UBE2Z: variants seen among roughly 807,000 people sequenced by gnomAD.
The protein encoded by UBE2Z is ubiquitin conjugating enzyme E2 Z.
Under a neutral mutation model 32.6 loss-of-function variants are expected in UBE2Z, and 10 were observed. The ratio of observed to expected loss-of-function variants is 0.31; its 90% confidence interval spans 0.19 to 0.52. UBE2Z has a LOEUF of 0.52. UBE2Z is among the 20% of genes least tolerant of loss of function. The pLI, the probability that UBE2Z is intolerant of heterozygous loss-of-function variation, is 0.97. For missense variants in UBE2Z, 343 were observed against 480.9 expected, an observed-to-expected ratio of 0.71 and a Z score of 2.68; for synonymous variants, 183 against 190.8, an observed-to-expected ratio of 0.96 and a Z score of 0.34.
At chr17:48,913,882 T>A (rs1054727675) in intron 3 of UBE2Z, among the ~76,000 whole-genome samples, 1 of 151,702 alleles carries the variant, frequency 6.6e-6, no homozygotes, top group East Asian at 1.9e-4. Flanking sequence ...ATTTTTGTTT[T>A]GTTTTGTTTG....
intron 4 of UBE2Z, among the ~76,000 whole-genome samples, chr17:48,918,849 C>T (rs1418202150): frequency 6.7e-6 from 1 of 149,878 alleles, no homozygotes; most frequent in Non-Finnish European, 1.5e-5. Context: ...CAGGTTCAAG[C>T]GATTCTAGTA....
chr17:48,925,181 A>G (rs35929648), intron 6 of UBE2Z, among the ~76,000 whole-genome samples: 87,842 of 151,392 alleles, frequency 0.58, 27,586 homozygotes, highest in East Asian at 0.8. Context: ...TACTTAGGAG[A>G]CTGAGGCACA....
intron 6 of UBE2Z, among the ~76,000 whole-genome samples, chr17:48,924,246 T>C (rs181006860): frequency 3.3e-5 from 5 of 152,316 alleles, no homozygotes; most frequent in African/African-American, 1.2e-4. Flanking sequence ...AGGCTGAGAT[T>C]ATTACAGGTG....
At chr17:48,919,615 G>C (rs926022717) in intron 4 of UBE2Z, among the ~76,000 whole-genome samples, 1 of 151,910 alleles carries the variant, frequency 6.6e-6, no homozygotes, top group East Asian at 1.9e-4. Context: ...TAGCTGGGAC[G>C]ACAGGTGCAC....
intron 5 of UBE2Z, among the ~76,000 whole-genome samples, chr17:48,922,562 A>G (rs1598076569): frequency 6.6e-6 from 1 of 152,042 alleles, no homozygotes; most frequent in East Asian, 1.9e-4. Context: ...TGAGGTCAGG[A>G]GTTCCTGACC....
chr17:48,919,679 T>C (rs1050951901), intron 4 of UBE2Z, among the ~76,000 whole-genome samples: 2 of 152,206 alleles, frequency 1.3e-5, no homozygotes, highest in Admixed American at 1.3e-4. Context: ...GATCTCACCA[T>C]GTTGCCAATG....
In UBE2Z at chr17:48,927,636, C is replaced by CT. The variant is rs1223226433; in HGVS notation, c.*503dup. The CT allele has an allele frequency of 1.3e-5, 2 of 159,444 alleles. No individual in the cohort carries two copies. Among genetic ancestry groups the CT allele is most frequent in the African/African-American group, 4.8e-5 (2 of 41,542 alleles). The allele number at this position is 159,444 out of a possible 1,614,324, so 9.9% of individuals were successfully genotyped here. A position where few individuals can be genotyped will look rare whatever the true frequency, so the allele number is the denominator to read the frequency against. On this transcript the variant is annotated 3_prime_UTR_variant, in exon 7 of 7. Coordinates refer to ENST00000360943, the MANE Select transcript of UBE2Z (RefSeq NM_023079.5). ...GGGCTTCCCAATGCCCTTTTCCTCC[C>CT]TGCCTTCCTTCCCCCATTATTTCCC... is the stretch of plus-strand genomic sequence containing the variant.
In UBE2Z at chr17:48,927,901, TG is replaced by T. The variant is rs1383123955; in HGVS notation, c.*768del. ...TGGCACCGTAAGAAGCTGAAAATAC[TG>T]TTTGTTCCCGCAATCACTGATTTGA... On this transcript the variant is annotated 3_prime_UTR_variant, in exon 7 of 7. Transcript: ENST00000360943. The T allele has an allele frequency of 1.3e-5, 2 of 152,522 alleles. No individual in the cohort carries two copies. Among genetic ancestry groups the T allele is most frequent in the South Asian group, 4.1e-4 (2 of 4,830 alleles). 9.4% of individuals were successfully genotyped at this position (152,522 alleles called of 1,614,324 possible).
intron 1 of UBE2Z, 173 bp from the exon 2 acceptor site, chr17:48,910,635 A>T (rs2040669522): frequency 3.7e-6 from 2 of 544,008 alleles, no homozygotes; most frequent in Admixed American, 5.8e-5. Flanking sequence ...CCTGCCTGAC[A>T]AGTACTCAGC....
intron 4 of UBE2Z, 70 bp downstream of exon 4, chr17:48,916,257 TG>T (rs371890895): frequency 1.2e-4 from 96 of 817,560 alleles, no homozygotes; most frequent in African/African-American, 7.2e-4. Context: ...TTGGTTTTTT[TG>T]TTTTTTTTTT....
At chr17:48,923,029 GAC>G in intron 6 of UBE2Z, 92 bp downstream of exon 6, 3 of 1,209,260 alleles carry the variant, frequency 2.5e-6, no homozygotes, top group Non-Finnish European at 3.5e-6. Context: ...GTCATAGAAT[GAC>G]ACAGCTAAGC....
intron 6 of UBE2Z, among the ~76,000 whole-genome samples, chr17:48,923,716 T>G (rs1323443252): frequency 6.6e-6 from 1 of 151,326 alleles, no homozygotes; most frequent in Admixed American, 6.6e-5. Context: ...CTCTTTACTT[T>G]CCTTGGTCAG....
At chr17:48,912,612 CCT>C (rs1218400510) in intron 2 of UBE2Z, 3 of 520,238 alleles carry the variant, frequency 5.8e-6, no homozygotes, top group Non-Finnish European at 1.0e-5. Context: ...AGAAGTAACC[CCT>C]GAGTAAGATG....
chr17:48,911,932 C>T (rs1195702940), intron 2 of UBE2Z: 2 of 152,136 alleles, frequency 1.3e-5, no homozygotes, highest in Non-Finnish European at 2.9e-5. Context: ...GCCTAGGAGC[C>T]TTTGTGGAAG....
At chr17:48,926,463 G>A (rs924896458) in intron 6 of UBE2Z, among the ~76,000 whole-genome samples, 4 of 140,296 alleles carry the variant, frequency 2.9e-5, no homozygotes, top group Non-Finnish European at 4.7e-5. Flanking sequence ...TATTTGGGGC[G>A]GTAAGAGTGT....
At chr17:48,914,659 G>T (rs2040707040) in intron 3 of UBE2Z, among the ~76,000 whole-genome samples, 1 of 152,202 alleles carries the variant, frequency 6.6e-6, no homozygotes, top group South Asian at 2.1e-4. Context: ...TGGGGTAAAA[G>T]TAGTAGAAGT....
At chr17:48,919,652 A>G (rs774773104) in intron 4 of UBE2Z, among the ~76,000 whole-genome samples, 2 of 152,034 alleles carry the variant, frequency 1.3e-5, no homozygotes, top group Non-Finnish European at 2.9e-5. Flanking sequence ...TAATTTTTGT[A>G]TTTTTTATAG....
chr17:48,919,218 TTATGATCCA>T (rs1331593130), intron 4 of UBE2Z, among the ~76,000 whole-genome samples: 1 of 151,076 alleles, frequency 6.6e-6, no homozygotes, highest in Non-Finnish European at 1.5e-5. Flanking sequence ...CCTCCTGACC[TTATGATCCA>T]CCTGCCTCGG....
chr17:48,922,778 A>G (rs1423574644), intron 5 of UBE2Z, 69 bp from the exon 6 acceptor site: 4 of 1,204,610 alleles, frequency 3.3e-6, no homozygotes, highest in East Asian at 2.5e-5. Flanking sequence ...AAAAAAAAAA[A>G]GGTTAGGTAA....
Sources: allele counts gnomAD v4.1 joint callset (sites outside exome capture counted in the v4.1 genomes callset), GRCh38; gene constraint gnomAD v4.1.1; transcripts MANE v1.5; gene names NCBI Gene and HGNC (gene_info 2026-07-23, HGNC 2026-07-21).